The following GAP43 variants were observed in gnomAD, a reference collection of about 807,000 sequenced individuals.
GAP43 encodes the protein growth associated protein 43.
Under a neutral mutation model 18.6 loss-of-function variants are expected in GAP43, and 6 were observed. That is an observed-to-expected ratio of 0.32 (90% CI 0.18 to 0.64). The LOEUF (loss-of-function observed/expected upper bound fraction) is 0.64. GAP43 is among the 30% of genes least tolerant of loss of function. The probability of loss-of-function intolerance (pLI) is 0.78; values close to 1 mark genes in which losing one functional copy is unlikely to be tolerated. For synonymous variants in GAP43, 115 were observed against 111.4 expected (o/e 1.03, Z -0.20); for missense variants, 292 against 295.5 (o/e 0.99, Z 0.09).
chr3:115,718,574 A>G (rs1436739338), intron 2 of GAP43, among the ~76,000 whole-genome samples: 1 of 152,178 alleles, frequency 6.6e-6, no homozygotes, highest in African/African-American at 2.4e-5. Flanking sequence ...TTGGAAAGCT[A>G]TAGCCTTAAA....
rs1708421340 is a variant in GAP43 at position 115,643,342 on chromosome 3, T to C, written c.30+19623T>C. On this transcript the variant is annotated intron_variant, in intron 1 of 2. Transcript: ENST00000305124. ...GTGGTTTTGCCTTGACTGTGTTTCCTGGGTCCACTTTCACTTGGTTGCTGC... is the reference window on the plus strand; with the variant it reads ...GTGGTTTTGCCTTGACTGTGTTTCCCGGGTCCACTTTCACTTGGTTGCTGC... 3.3e-5 allele frequency among the ~76,000 whole-genome samples: 5 copies of C among 152,068 alleles called. No individual in the cohort carries two copies. The South Asian group carries it at 1.0e-3, about 31-fold the overall frequency.
intron 2 of GAP43, among the ~76,000 whole-genome samples, chr3:115,690,966 A>G (rs1432646756): frequency 6.6e-6 from 1 of 151,992 alleles, no homozygotes; most frequent in Non-Finnish European, 1.5e-5. Flanking sequence ...CATGTTAGCT[A>G]GGATGGTCTC....
chr3:115,673,558 C>T (rs942129287), intron 1 of GAP43, among the ~76,000 whole-genome samples: 1 of 152,240 alleles, frequency 6.6e-6, no homozygotes, highest in Non-Finnish European at 1.5e-5. Flanking sequence ...TAAGATGGTG[C>T]TTCATTCAGA....
intron 1 of GAP43, among the ~76,000 whole-genome samples, chr3:115,649,231 G>A (rs1708494593): frequency 6.6e-6 from 1 of 152,052 alleles, no homozygotes; most frequent in South Asian, 2.1e-4. Flanking sequence ...TCCTCACATG[G>A]CAGAAGGGCA....
chr3:115,631,020 T>C (rs1432589602), intron 1 of GAP43, among the ~76,000 whole-genome samples: 1 of 152,186 alleles, frequency 6.6e-6, no homozygotes, highest in African/African-American at 2.4e-5. Context: ...TTATTCAGCG[T>C]GGGCTTTGTG....
intron 1 of GAP43, among the ~76,000 whole-genome samples, chr3:115,624,970 G>A (rs1708168473): frequency 6.6e-6 from 1 of 152,000 alleles, no homozygotes; most frequent in Non-Finnish European, 1.5e-5. Flanking sequence ...GGGGTGGGGT[G>A]CAAGAGATGG....
chr3:115,708,970 C>CTCT (rs1709401729), intron 2 of GAP43, among the ~76,000 whole-genome samples: 3 of 67,050 alleles, frequency 4.5e-5, no homozygotes, highest in African/African-American at 5.9e-5. Flanking sequence ...TTTTTGCTAT[C>CTCT]TCTTTTTGCT....
intron 1 of GAP43, among the ~76,000 whole-genome samples, chr3:115,667,857 T>C (rs1035194565): frequency 1.3e-5 from 2 of 152,214 alleles, no homozygotes; most frequent in Admixed American, 1.3e-4. Flanking sequence ...CCTTTTTAGC[T>C]GAGTGATGGG....
chr3:115,623,811 G>A (rs1708147591), intron 1 of GAP43, 92 bp downstream of exon 1: 1 of 1,345,002 alleles, frequency 7.4e-7, no homozygotes, highest in Admixed American at 1.7e-5. Context: ...TACTGCTTCT[G>A]CTCTGGCCGT....
chr3:115,698,108 A>T lies in GAP43; in HGVS notation c.628+21498A>T, dbSNP rs536445136. Among the ~76,000 whole-genome samples the T allele has an allele frequency of 4.0e-3, 113 of 28,384 alleles. 2 individuals are homozygous for T. The highest frequency in any genetic ancestry group is 0.022 in the Middle Eastern group (1 of 46). 18.6% of individuals were successfully genotyped at this position (28,384 alleles called of 152,430 possible). On this transcript the variant is annotated intron_variant, in intron 2 of 2. Coordinates refer to ENST00000305124, the MANE Select transcript of GAP43 (RefSeq NM_002045.4). ...AATATGTATTATATATAATATATAA[A>T]ATATATAATATATATTATATATAAT... is the stretch of plus-strand genomic sequence containing the variant.
intron 1 of GAP43, among the ~76,000 whole-genome samples, chr3:115,650,341 T>C (rs1708506546): frequency 6.6e-6 from 1 of 152,118 alleles, no homozygotes; most frequent in African/African-American, 2.4e-5. Flanking sequence ...TTATAGTATA[T>C]CCACAACCCA....
intron 2 of GAP43, among the ~76,000 whole-genome samples, chr3:115,698,284 TATA>T (rs1264893624): frequency 2.1e-3 from 3 of 1,434 alleles, no homozygotes; most frequent in African/African-American, 3.3e-3. Flanking sequence ...TATATATAAA[TATA>T]ATATATATAT....
intron 2 of GAP43, among the ~76,000 whole-genome samples, chr3:115,679,332 T>G (rs1708930939): frequency 1.3e-5 from 2 of 152,236 alleles, no homozygotes; most frequent in South Asian, 4.1e-4. Flanking sequence ...TTTATTTTAC[T>G]TCTTTTACTA....
chr3:115,675,914 C>T (rs1251765798), intron 1 of GAP43, 99 bp from the exon 2 acceptor site: 68 of 1,498,926 alleles, frequency 4.5e-5, no homozygotes, highest in African/African-American at 7.0e-5. Context: ...CAGTGCCTGG[C>T]ACAAAATAAA....
intron 1 of GAP43, among the ~76,000 whole-genome samples, chr3:115,666,325 T>C (rs567914821): frequency 7.9e-5 from 12 of 152,300 alleles, no homozygotes; most frequent in African/African-American, 2.6e-4. Flanking sequence ...AGAATAGATA[T>C]AGCTCAGTAG....
intron 1 of GAP43, among the ~76,000 whole-genome samples, chr3:115,643,816 G>C (rs1708427516): frequency 6.6e-6 from 1 of 151,976 alleles, no homozygotes; most frequent in African/African-American, 2.4e-5. Context: ...CTCCATGAGG[G>C]CTCCGTTACT....
intron 2 of GAP43, among the ~76,000 whole-genome samples, chr3:115,696,589 C>CG (rs1709194496): frequency 7.6e-6 from 1 of 131,492 alleles, no homozygotes; most frequent in African/African-American, 2.9e-5. Flanking sequence ...CCCCCCCCCC[C>CG]CACAAACAGG....
intron 2 of GAP43, among the ~76,000 whole-genome samples, chr3:115,678,534 A>G (rs1382194893): frequency 6.6e-6 from 1 of 152,220 alleles, no homozygotes; most frequent in African/African-American, 2.4e-5. Context: ...TTGTCAACAA[A>G]TGTCAAATAT....
At chr3:115,660,190 C>G (rs977580907) in intron 1 of GAP43, among the ~76,000 whole-genome samples, 3 of 152,166 alleles carry the variant, frequency 2.0e-5, no homozygotes, top group African/African-American at 7.2e-5. Flanking sequence ...TGTACAGAGT[C>G]AAGGGTATTG....
Sources: allele counts gnomAD v4.1 joint callset (sites outside exome capture counted in the v4.1 genomes callset), GRCh38; gene constraint gnomAD v4.1.1; transcripts MANE v1.5; gene names NCBI Gene and HGNC (gene_info 2026-07-23, HGNC 2026-07-21).